The following WWOX variants were observed in gnomAD, a reference collection of about 807,000 sequenced individuals.
WWOX encodes WW domain containing oxidoreductase, also known as WW domain-containing oxidoreductase.
WWOX carries 69 observed loss-of-function variants against 46.2 expected under a neutral mutation model. The observed-to-expected ratio is 1.49, with a 90% CI of 1.23 to 1.82. The LOEUF is 1.82. Ranked by LOEUF, WWOX falls within the 40% of genes most tolerant of loss-of-function variation. The probability of loss-of-function intolerance (pLI) is 0.00; values close to 1 mark genes in which losing one functional copy is unlikely to be tolerated. For synonymous variants in WWOX, 359 were observed against 202.6 expected (o/e 1.77, Z -6.56); for missense variants, 919 against 542.6 (o/e 1.69, Z -6.89).
At chr16:78,261,802 A>C (rs1250047320) in intron 5 of WWOX, among the ~76,000 whole-genome samples, 6 of 127,506 alleles carry the variant, frequency 4.7e-5, no homozygotes, top group Middle Eastern at 8.9e-3. Context: ...ATATATATAT[A>C]TATATATATA....
chr16:78,547,212 T>C (rs1483935396), intron 8 of WWOX, among the ~76,000 whole-genome samples: 2 of 136,162 alleles, frequency 1.5e-5, no homozygotes, highest in African/African-American at 6.1e-5. Context: ...GGGGATAGGG[T>C]GAGATGAACA....
intron 8 of WWOX, among the ~76,000 whole-genome samples, chr16:79,068,806 G>A (rs530496170): frequency 3.5e-5 from 5 of 143,552 alleles, no homozygotes; most frequent in South Asian, 2.3e-4. Context: ...GCCAGAACTT[G>A]TCTCAAAAAA....
intron 8 of WWOX, among the ~76,000 whole-genome samples, chr16:78,481,638 A>G (rs2084488681): frequency 7.3e-6 from 1 of 137,668 alleles, no homozygotes; most frequent in Admixed American, 6.9e-5. Flanking sequence ...GAATTGTGAA[A>G]AAAAAAAAGA....
At chr16:78,644,378 A>T (rs926438614) in intron 8 of WWOX, among the ~76,000 whole-genome samples, 2 of 152,110 alleles carry the variant, frequency 1.3e-5, no homozygotes, top group Non-Finnish European at 2.9e-5. Flanking sequence ...AATTTTAATT[A>T]TTTCTAGAAT....
chr16:78,261,282 G>GATACATAC (rs148569284), intron 5 of WWOX, among the ~76,000 whole-genome samples: 4 of 139,896 alleles, frequency 2.9e-5, no homozygotes, highest in African/African-American at 1.1e-4. Flanking sequence ...TAGATAGATA[G>GATACATAC]ATACATACAT....
At chr16:78,870,883 T>C (rs1271458963) in intron 8 of WWOX, among the ~76,000 whole-genome samples, 1 of 152,176 alleles carries the variant, frequency 6.6e-6, no homozygotes, top group Non-Finnish European at 1.5e-5. Flanking sequence ...ATTATAGGCA[T>C]GAGCCACCAT....
In WWOX at chr16:78,347,915, G is replaced by A. The variant is rs1411734668; in HGVS notation, c.517-38945G>A. ...AAGTGGATTCCTCATAAAACAATAT[G>A]GACTATGGTCTTATTCTGTTTAACG... is the stretch of plus-strand genomic sequence containing the variant. On this transcript the variant is annotated intron_variant, in intron 5 of 8. Transcript: ENST00000566780. 1.6e-5 allele frequency among the ~76,000 whole-genome samples: 2 copies of A among 121,914 alleles called. 1 individual carries two copies. The highest frequency in any genetic ancestry group is 3.9e-5 in the Non-Finnish European group (2 of 50,848). 80.0% of individuals were successfully genotyped at this position (121,914 alleles called of 152,430 possible).
At chr16:78,809,401 T>C (rs1414112423) in intron 8 of WWOX, among the ~76,000 whole-genome samples, 1 of 151,950 alleles carries the variant, frequency 6.6e-6, no homozygotes, top group African/African-American at 2.4e-5. Flanking sequence ...ATATTTGATA[T>C]ATTCTGCTTC....
At chr16:78,108,551 G>A (rs1049780340) in intron 2 of WWOX, 64 bp downstream of exon 2, 24 of 1,551,352 alleles carry the variant, frequency 1.5e-5, no homozygotes, top group Non-Finnish European at 2.1e-5. Context: ...AATGTCACTG[G>A]CAGAGAGGTG....
chr16:78,669,827 A>C (rs970840920), intron 8 of WWOX, among the ~76,000 whole-genome samples: 1 of 152,192 alleles, frequency 6.6e-6, no homozygotes, highest in African/African-American at 2.4e-5. Flanking sequence ...CATTATTCAA[A>C]ATAATCTCTA....
chr16:78,584,619 G>A (rs1335498849), intron 8 of WWOX, among the ~76,000 whole-genome samples: 2 of 152,192 alleles, frequency 1.3e-5, no homozygotes, highest in Admixed American at 1.3e-4. Context: ...AAGACAGACT[G>A]TTACCAGAGG....
chr16:78,383,826 T>G (rs1174092260), intron 5 of WWOX, among the ~76,000 whole-genome samples: 1 of 152,190 alleles, frequency 6.6e-6, no homozygotes, highest in Non-Finnish European at 1.5e-5. Context: ...TGGACTTGAA[T>G]CACTATCCCC....
At chr16:78,804,848 C>G (rs1404829080) in intron 8 of WWOX, among the ~76,000 whole-genome samples, 2 of 152,184 alleles carry the variant, frequency 1.3e-5, no homozygotes, top group African/African-American at 2.4e-5. Flanking sequence ...ATTCTGTGAT[C>G]CTTAGGATGT....
intron 8 of WWOX, among the ~76,000 whole-genome samples, chr16:78,774,569 T>TCCCCCCCCACACATATGCA (rs2050144312): frequency 6.7e-6 from 1 of 148,558 alleles, no homozygotes; most frequent in East Asian, 2.0e-4. Flanking sequence ...CGTGTCCCCC[T>TCCCCCCCCACACATATGCA]CCCCCCCCAC....
intron 5 of WWOX, among the ~76,000 whole-genome samples, chr16:78,330,970 A>C (rs542122423): frequency 1.4e-4 from 21 of 152,322 alleles, no homozygotes; most frequent in African/African-American, 4.8e-4. Context: ...TCTTTTCTGG[A>C]GCAGTCTATT....
At chr16:79,135,235 C>T (rs1254899075) in intron 8 of WWOX, among the ~76,000 whole-genome samples, 7 of 152,136 alleles carry the variant, frequency 4.6e-5, no homozygotes, top group Non-Finnish European at 1.0e-4. Flanking sequence ...AATATGCATA[C>T]TCATAAATAT....
chr16:78,599,453 G>T (rs897080973), intron 8 of WWOX, among the ~76,000 whole-genome samples: 18 of 152,172 alleles, frequency 1.2e-4, no homozygotes, highest in Non-Finnish European at 1.5e-4. Flanking sequence ...GAATTGGCCT[G>T]TCAGTTCAAT....
intron 8 of WWOX, chr16:78,898,627 C>A (rs999555943): frequency 1.3e-5 from 2 of 152,176 alleles, no homozygotes; most frequent in South Asian, 4.1e-4. Context: ...ATTTCCTGAT[C>A]AGCTTCTCCA....
Position 78,164,577 on chromosome 16 carries a change from G to A in WWOX, c.516+288G>A, listed in dbSNP as rs145689994. Among the ~76,000 whole-genome samples, 147 of 152,236 alleles carry A rather than the reference G, an allele frequency of 9.7e-4. 1 individual carries two copies. The Middle Eastern group carries it at 0.01, about 11-fold the overall frequency. On this transcript the variant is annotated intron_variant, in intron 5 of 8. Coordinates refer to ENST00000566780, the MANE Select transcript of WWOX (RefSeq NM_016373.4). ...TTAAGAAAAATAAAACGTGGTGAAC[G>A]CCCATGATTGCAACTAGGAGACTGT...
Sources: allele counts gnomAD v4.1 joint callset (sites outside exome capture counted in the v4.1 genomes callset), GRCh38; gene constraint gnomAD v4.1.1; transcripts MANE v1.5; gene names NCBI Gene and HGNC (gene_info 2026-07-23, HGNC 2026-07-21).